The following ALK variants were observed in gnomAD, a reference collection of about 807,000 sequenced individuals.
ALK encodes the protein ALK receptor tyrosine kinase.
Under a neutral mutation model 163.1 loss-of-function variants are expected in ALK, and 74 were observed. That is an observed-to-expected ratio of 0.45 (90% CI 0.38 to 0.55). The LOEUF (loss-of-function observed/expected upper bound fraction) is 0.55. ALK is among the 20% of genes least tolerant of loss of function. The probability of loss-of-function intolerance (pLI) is 0.00; values close to 1 mark genes in which losing one functional copy is unlikely to be tolerated. For missense variants in ALK, 2,063 were observed against 2,105.3 expected, an observed-to-expected ratio of 0.98 and a Z score of 0.39; for synonymous variants, 960 against 843.2, an observed-to-expected ratio of 1.14 and a Z score of -2.40.
intron 5 of ALK, among the ~76,000 whole-genome samples, chr2:29,335,223 G>A (rs1667574910): frequency 6.6e-6 from 1 of 152,212 alleles, no homozygotes; most frequent in Non-Finnish European, 1.5e-5. Context: ...TCTGGGAAGA[G>A]TCGGTGCTTG....
intron 4 of ALK, among the ~76,000 whole-genome samples, chr2:29,508,732 T>TG (rs1672418342): frequency 6.2e-5 from 1 of 16,022 alleles, no homozygotes; most frequent in Admixed American, 9.1e-4. Flanking sequence ...TATCTGCAAC[T>TG]CAAAAAAAAA....
intron 1 of ALK, among the ~76,000 whole-genome samples, chr2:29,820,066 C>T (rs573564415): frequency 5.3e-5 from 8 of 152,292 alleles, no homozygotes; most frequent in African/African-American, 1.9e-4. Context: ...AGAGATGGAG[C>T]ATAATTCCTT....
At chr2:29,717,780 A>G in intron 1 of ALK, 83 bp from the exon 2 acceptor site, 6 of 1,587,034 alleles carry the variant, frequency 3.8e-6, no homozygotes, top group South Asian at 1.1e-5. Flanking sequence ...TCAAAAATGA[A>G]GTTTATAAGG....
intron 3 of ALK, among the ~76,000 whole-genome samples, chr2:29,603,623 G>C (rs1490164507): frequency 1.3e-4 from 19 of 151,916 alleles, no homozygotes; most frequent in Non-Finnish European, 4.4e-5. Context: ...AGCCCCCTTG[G>C]CCAAGGGGAG....
intron 1 of ALK, among the ~76,000 whole-genome samples, chr2:29,737,687 T>A (rs1483854198): frequency 2.0e-5 from 3 of 152,098 alleles, no homozygotes; most frequent in African/African-American, 4.8e-5. Flanking sequence ...GTGGTAGGCA[T>A]CTGCCATGAA....
rs1558683335 is a variant in ALK at position 29,341,625 on chromosome 2, A to G, written c.1283-13144T>C. On this transcript the variant is annotated intron_variant, in intron 5 of 28. Coordinates refer to ENST00000389048, the MANE Select transcript of ALK (RefSeq NM_004304.5). ...CAACAGAGCAAGACTCCATCTCTCAAAAAAAAAGTGCTTCCCATTCTAGGC... is the reference window on the plus strand; with the variant it reads ...CAACAGAGCAAGACTCCATCTCTCAGAAAAAAAGTGCTTCCCATTCTAGGC... 2.0e-5 allele frequency among the ~76,000 whole-genome samples: 3 copies of G among 152,104 alleles called. No homozygotes were observed. In the South Asian group the frequency reaches 6.2e-4, roughly 32 times the overall value.
At chr2:29,430,458 C>T (rs1397701574) in intron 4 of ALK, among the ~76,000 whole-genome samples, 4 of 152,226 alleles carry the variant, frequency 2.6e-5, no homozygotes, top group East Asian at 3.8e-4. Context: ...GAGGGCCATA[C>T]AGTCTTTAAC....
chr2:29,671,966 T>TA (rs1179494963), intron 3 of ALK, among the ~76,000 whole-genome samples: 1 of 151,876 alleles, frequency 6.6e-6, no homozygotes, highest in African/African-American at 2.4e-5. Flanking sequence ...TACAAAAATG[T>TA]ATTCTCCTCC....
chr2:29,508,246 C>A (rs59339635), intron 4 of ALK, among the ~76,000 whole-genome samples: 56,735 of 151,978 alleles, frequency 0.37, 11,516 homozygotes, highest in South Asian at 0.56. Context: ...ATGTGGACAC[C>A]CAACGCATTT....
chr2:29,356,144 G>A (rs942843847), intron 5 of ALK, among the ~76,000 whole-genome samples: 2 of 152,198 alleles, frequency 1.3e-5, no homozygotes, highest in African/African-American at 2.4e-5. Context: ...TCCTGATGCA[G>A]CCTGGGCCCT....
chr2:29,308,303 C>G (rs1408417666), intron 8 of ALK, among the ~76,000 whole-genome samples: 2 of 152,028 alleles, frequency 1.3e-5, no homozygotes, highest in Admixed American at 6.6e-5. Flanking sequence ...GGAAATGTAC[C>G]AATATCTTTG....
chr2:29,360,839 A>G (rs1668369664), intron 5 of ALK, among the ~76,000 whole-genome samples: 1 of 152,240 alleles, frequency 6.6e-6, no homozygotes, highest in African/African-American at 2.4e-5. Context: ...GTTTGTGCAA[A>G]GATGAGTGGT....
At chr2:29,413,692 C>A (rs531877602) in intron 4 of ALK, among the ~76,000 whole-genome samples, 86 of 152,200 alleles carry the variant, frequency 5.7e-4, no homozygotes, top group African/African-American at 2.0e-3. Flanking sequence ...CCACCATGCC[C>A]GGCTAATTTT....
intron 8 of ALK, among the ~76,000 whole-genome samples, chr2:29,307,497 T>A (rs1217068427): frequency 1.3e-5 from 2 of 152,160 alleles, no homozygotes; most frequent in Non-Finnish European, 2.9e-5. Flanking sequence ...GGGATTGGAA[T>A]TGTCATCAGG....
chr2:29,347,650 T>G (rs1667990468), intron 5 of ALK, among the ~76,000 whole-genome samples: 1 of 152,230 alleles, frequency 6.6e-6, no homozygotes, highest in African/African-American at 2.4e-5. Flanking sequence ...ACTCCTAAGA[T>G]GCAGGGAATA....
chr2:29,849,734 C>A (rs1253795998), intron 1 of ALK, among the ~76,000 whole-genome samples: 1 of 152,078 alleles, frequency 6.6e-6, no homozygotes, highest in Non-Finnish European at 1.5e-5. Flanking sequence ...CTGTCAGCAC[C>A]TGGTTGCAGT....
chr2:29,681,020 A>G (rs1678048842), intron 3 of ALK: 1 of 152,078 alleles, frequency 6.6e-6, no homozygotes, highest in Non-Finnish European at 1.5e-5. Context: ...TTACGTTTTA[A>G]TAAAAAAGAG....
chr2:29,593,905 A>T (rs1341832491), intron 3 of ALK, among the ~76,000 whole-genome samples: 2 of 152,210 alleles, frequency 1.3e-5, no homozygotes, highest in Non-Finnish European at 2.9e-5. Context: ...TTGAAAGAAG[A>T]TTGTTAAATA....
intron 4 of ALK, among the ~76,000 whole-genome samples, chr2:29,529,473 C>T (rs547636966): frequency 2.7e-4 from 41 of 152,336 alleles, no homozygotes; most frequent in Admixed American, 9.8e-4. Context: ...TTCGGCAAGG[C>T]AAACTGCTGA....
Sources: gnomAD v4.1 joint callset for allele counts (sites outside exome capture counted in the v4.1 genomes callset) on GRCh38, gnomAD v4.1.1 for gene constraint, MANE v1.5 for transcripts, NCBI Gene and HGNC (gene_info 2026-07-23, HGNC 2026-07-21) for gene names.